EPM2A: variants seen among roughly 807,000 people sequenced by gnomAD.
EPM2A encodes EPM2A glucan phosphatase, laforin, also known as laforin.
A neutral mutation model predicts 26.5 loss-of-function variants in EPM2A; 21 were observed. That is an observed-to-expected ratio of 0.79 (90% CI 0.56 to 1.14). The LOEUF (loss-of-function observed/expected upper bound fraction) is 1.14, where lower values mean the gene tolerates loss of function less well. Ranked by LOEUF, EPM2A falls within the 50% of genes most tolerant of loss-of-function variation. The pLI is 0.00. For missense variants in EPM2A, 458 were observed against 440.8 expected (o/e 1.04, Z -0.35); for synonymous variants, 217 against 177.6 (o/e 1.22, Z -1.76).
At chr6:145,490,014 C>G (rs1240413402) in intron 4 of EPM2A, 3 of 1,350,374 alleles carry the variant, frequency 2.2e-6, no homozygotes, top group Non-Finnish European at 3.1e-6. Flanking sequence ...TGGACGTGTT[C>G]CACAGTCACT....
intron 4 of EPM2A, among the ~76,000 whole-genome samples, chr6:145,469,598 A>C (rs747893240): frequency 6.6e-6 from 1 of 152,142 alleles, no homozygotes; most frequent in Non-Finnish European, 1.5e-5. Flanking sequence ...TACAACTACT[A>C]TAAAGAACAG....
At chr6:145,627,936 C>T (rs569355980) in intron 3 of EPM2A, 11 of 570,986 alleles carry the variant, frequency 1.9e-5, no homozygotes, top group African/African-American at 1.9e-4. Context: ...GGTATTGCTG[C>T]TCCTTTGGGT....
At chr6:145,425,748 T>C (rs1451704782) in intron 4 of EPM2A, among the ~76,000 whole-genome samples, 2 of 152,322 alleles carry the variant, frequency 1.3e-5, no homozygotes, top group South Asian at 2.1e-4. Context: ...AGGTACTTGC[T>C]CTTTATTGAA....
At chr6:145,735,162 C>A (rs747296542) in intron 1 of EPM2A, 36 bp downstream of exon 1, 2 of 1,444,078 alleles carry the variant, frequency 1.4e-6, no homozygotes, top group Non-Finnish European at 9.2e-7. Flanking sequence ...CCGGAGCTCC[C>A]GCTCTGCGCC....
intron 1 of EPM2A, among the ~76,000 whole-genome samples, chr6:145,725,915 A>C (rs1299109590): frequency 1.3e-5 from 2 of 152,088 alleles, no homozygotes; most frequent in African/African-American, 4.8e-5. Flanking sequence ...ATATATACAT[A>C]ATTAATATAA....
chr6:145,693,903 T>A (rs1242441001), intron 1 of EPM2A, among the ~76,000 whole-genome samples: 1 of 151,862 alleles, frequency 6.6e-6, no homozygotes, highest in Non-Finnish European at 1.5e-5. Flanking sequence ...TGTGTAGGAG[T>A]AAGGGAACTG....
At chr6:145,385,966 AC>A (rs1778256224) in intron 4 of EPM2A, among the ~76,000 whole-genome samples, 1 of 152,102 alleles carries the variant, frequency 6.6e-6, no homozygotes. Context: ...TGTAAACAAA[AC>A]TATACTCCAG....
At chr6:145,548,229 GA>G (rs916692453) in intron 2 of EPM2A, among the ~76,000 whole-genome samples, 19 of 152,156 alleles carry the variant, frequency 1.2e-4, no homozygotes, top group Non-Finnish European at 2.1e-4. Context: ...TTCTCTTTCT[GA>G]CAACATCTAT....
chr6:145,440,806 C>A (rs1400329343), intron 4 of EPM2A, among the ~76,000 whole-genome samples: 1 of 152,214 alleles, frequency 6.6e-6, no homozygotes, highest in Non-Finnish European at 1.5e-5. Flanking sequence ...TGGGCTCCCA[C>A]AGAGTTGGGC....
intron 4 of EPM2A, chr6:145,490,099 T>G (rs1323551620): frequency 2.4e-6 from 3 of 1,253,386 alleles, no homozygotes; most frequent in Non-Finnish European, 3.4e-6. Flanking sequence ...CCTTCCCAAT[T>G]TGTTATATAA....
intron 4 of EPM2A, among the ~76,000 whole-genome samples, chr6:145,448,006 A>T (rs1008833313): frequency 3.9e-5 from 6 of 152,144 alleles, no homozygotes; most frequent in African/African-American, 1.4e-4. Flanking sequence ...AGATAAAATT[A>T]TATTATATTC....
chr6:145,513,424 A>G (rs923367826), intron 2 of EPM2A, among the ~76,000 whole-genome samples: 1 of 152,218 alleles, frequency 6.6e-6, no homozygotes, highest in African/African-American at 2.4e-5. Context: ...ATGCAGAGAA[A>G]AGGGAATGCT....
intron 2 of EPM2A, among the ~76,000 whole-genome samples, chr6:145,541,300 G>GTGTGTGTGTATATA (rs1554248851): frequency 6.8e-6 from 1 of 146,518 alleles, no homozygotes; most frequent in East Asian, 2.0e-4. Flanking sequence ...ACACCAATTT[G>GTGTGTGTGTATATA]TGTGTGTGTG....
chr6:145,609,845 T>C (rs780118016), intron 2 of EPM2A, among the ~76,000 whole-genome samples: 4 of 152,212 alleles, frequency 2.6e-5, no homozygotes, highest in Non-Finnish European at 5.9e-5. Flanking sequence ...AAATCAACAA[T>C]TGGAAACAGA....
At chr6:145,584,954 T>A (rs1935612) in intron 2 of EPM2A, among the ~76,000 whole-genome samples, 68,348 of 151,952 alleles carry the variant, frequency 0.45, 16,119 homozygotes, top group African/African-American at 0.57. Flanking sequence ...CAAAAATATC[T>A]TTATTTTGCC....
rs147681030 is a variant in EPM2A, at chr6:145,569,084, A to C, written c.340+66161T>G. 2.3e-3 allele frequency among the ~76,000 whole-genome samples: 345 copies of C among 152,336 alleles called. 1 individual carries two copies. The highest frequency in any genetic ancestry group is 8.1e-3 in the African/African-American group (335 of 41,576). On this transcript the variant is annotated intron_variant, in intron 2 of 3. Coordinates refer to the EPM2A transcript ENST00000450221. ...GTTCAGGAAAATTCACACCACTTTAAACGCTTCAGAGTCAGAGAAAGGAAA... is the reference window on the plus strand; with the variant it reads ...GTTCAGGAAAATTCACACCACTTTACACGCTTCAGAGTCAGAGAAAGGAAA...
chr6:145,733,695 G>T (rs1162299259), intron 1 of EPM2A, among the ~76,000 whole-genome samples: 2 of 152,110 alleles, frequency 1.3e-5, no homozygotes, highest in African/African-American at 2.4e-5. Context: ...ACTGAAGAGG[G>T]TATCTTTCAA....
intron 4 of EPM2A, among the ~76,000 whole-genome samples, chr6:145,433,882 T>C (rs1778952420): frequency 6.6e-6 from 1 of 152,206 alleles, no homozygotes; most frequent in African/African-American, 2.4e-5. Context: ...TCTTTATTCT[T>C]TCTGTTTGTA....
intron 4 of EPM2A, among the ~76,000 whole-genome samples, chr6:145,416,072 T>C (rs1213744755): frequency 6.6e-6 from 1 of 152,142 alleles, no homozygotes; most frequent in Admixed American, 6.6e-5. Context: ...ATGAAACCAC[T>C]GTCTTGATCC....
Sources: allele counts gnomAD v4.1 joint callset (sites outside exome capture counted in the v4.1 genomes callset), GRCh38; gene constraint gnomAD v4.1.1; transcripts MANE v1.5; gene names NCBI Gene and HGNC (gene_info 2026-07-23, HGNC 2026-07-21).